TMEM132D: variants seen among roughly 807,000 people sequenced by gnomAD.
TMEM132D encodes the protein transmembrane protein 132D, also known as mature OL transmembrane protein.
TMEM132D carries 21 observed loss-of-function variants against 62.3 expected under a neutral mutation model. That is an observed-to-expected ratio of 0.34 (90% CI 0.24 to 0.49). TMEM132D has a LOEUF of 0.49. Ranked by LOEUF, TMEM132D falls within the 20% of genes least tolerant of loss-of-function variation. The pLI, the probability that TMEM132D is intolerant of heterozygous loss-of-function variation, is 0.99. For synonymous variants in TMEM132D, 621 were observed against 575.6 expected, an observed-to-expected ratio of 1.08 and a Z score of -1.13; for missense variants, 1,346 against 1,402.8, an observed-to-expected ratio of 0.96 and a Z score of 0.65.
At chr12:129,762,661 TCTC>T (rs1870422595) in intron 1 of TMEM132D, among the ~76,000 whole-genome samples, 2 of 152,072 alleles carry the variant, frequency 1.3e-5, no homozygotes, top group South Asian at 4.2e-4. Context: ...ACGCATAACT[TCTC>T]CTGACATGGA....
intron 5 of TMEM132D, among the ~76,000 whole-genome samples, chr12:129,148,822 C>T (rs1022192939): frequency 7.0e-6 from 1 of 143,792 alleles, no homozygotes; most frequent in African/African-American, 2.5e-5. Context: ...ACACCCCTCA[C>T]CCCGCCCCCA....
chr12:129,370,294 T>C (rs1870552509), intron 3 of TMEM132D, among the ~76,000 whole-genome samples: 1 of 152,304 alleles, frequency 6.6e-6, no homozygotes, highest in Middle Eastern at 3.4e-3. Flanking sequence ...CCTGGAGCCA[T>C]GACAGTTAAT....
At chr12:129,217,582 A>G (rs915844767) in intron 4 of TMEM132D, among the ~76,000 whole-genome samples, 5 of 152,196 alleles carry the variant, frequency 3.3e-5, no homozygotes, top group Non-Finnish European at 5.9e-5. Context: ...AGAACAGCTC[A>G]CAGCCCAACA....
chr12:129,118,355 G>A (rs1374994327), intron 5 of TMEM132D, among the ~76,000 whole-genome samples: 1 of 152,236 alleles, frequency 6.6e-6, no homozygotes, highest in Admixed American at 6.5e-5. Flanking sequence ...AGCTGCCACA[G>A]GGCAGCCTCT....
intron 3 of TMEM132D, among the ~76,000 whole-genome samples, chr12:129,513,987 G>A (rs11612552): frequency 0.21 from 32,082 of 149,634 alleles, 3,643 homozygotes; most frequent in East Asian, 0.31. Context: ...ACAGGCGCCC[G>A]CCACCACGCC....
At chr12:129,719,700 T>C (rs1055828659) in intron 1 of TMEM132D, among the ~76,000 whole-genome samples, 2 of 152,234 alleles carry the variant, frequency 1.3e-5, no homozygotes, top group Non-Finnish European at 2.9e-5. Context: ...GACCAGAAAG[T>C]GCCTATTTCA....
At position 129,679,307 on chromosome 12, in the gene TMEM132D, T is replaced by C. The variant is rs560150589; in HGVS notation, c.968+20503A>G. ...TAGCAAATTATTTATTTTTAAAATGTTATAATCAAGATATGTTTTGTATTA... is the reference window on the plus strand; with the variant it reads ...TAGCAAATTATTTATTTTTAAAATGCTATAATCAAGATATGTTTTGTATTA... On this transcript the variant is annotated intron_variant, in intron 2 of 8. Transcript: ENST00000422113. 2.2e-4 allele frequency among the ~76,000 whole-genome samples: 34 copies of C among 152,202 alleles called. No individual in the cohort carries two copies. In the South Asian group the frequency reaches 6.4e-3, roughly 29 times the overall value.
At chr12:129,427,268 A>G (rs991908787) in intron 3 of TMEM132D, among the ~76,000 whole-genome samples, 13 of 152,202 alleles carry the variant, frequency 8.5e-5, no homozygotes, top group African/African-American at 3.1e-4. Flanking sequence ...ACGCAGCATC[A>G]TTCCTTCTCT....
intron 3 of TMEM132D, among the ~76,000 whole-genome samples, chr12:129,387,106 A>G (rs1440235468): frequency 6.6e-6 from 1 of 151,834 alleles, no homozygotes; most frequent in Non-Finnish European, 1.5e-5. Context: ...CCAATGTAAT[A>G]CTAACACTAA....
chr12:129,241,819 T>C (rs1341016396), intron 4 of TMEM132D, among the ~76,000 whole-genome samples: 1 of 152,234 alleles, frequency 6.6e-6, no homozygotes, highest in Non-Finnish European at 1.5e-5. Context: ...TAGTCTTCAG[T>C]TCCTAATAGA....
At chr12:129,370,029 C>A (rs746335175) in intron 3 of TMEM132D, among the ~76,000 whole-genome samples, 1 of 152,206 alleles carries the variant, frequency 6.6e-6, no homozygotes, top group South Asian at 2.1e-4. Flanking sequence ...TGGGGCTCCC[C>A]TACCCAGATC....
Position 129,192,742 on chromosome 12 carries a change from G to A in TMEM132D, c.1443+16778C>T, listed in dbSNP as rs551399550. ...ACAAATGGGGGGTTTGAATTACAGCGGGTGTGTTGCACACTCAGATACATT... is the reference window on the plus strand; with the variant it reads ...ACAAATGGGGGGTTTGAATTACAGCAGGTGTGTTGCACACTCAGATACATT... On this transcript the variant is annotated intron_variant, in intron 5 of 8. Transcript: ENST00000422113. Among the ~76,000 whole-genome samples the A allele has an allele frequency of 3.5e-4, 54 of 152,212 alleles. 1 individual carries two copies. The highest frequency in any genetic ancestry group is 1.0e-3 in the African/African-American group (43 of 41,518).
chr12:129,824,942 T>G (rs1593176549), intron 1 of TMEM132D, among the ~76,000 whole-genome samples: 2 of 152,220 alleles, frequency 1.3e-5, no homozygotes, highest in South Asian at 4.2e-4. Context: ...GATAACTGGT[T>G]GTTTGCTATT....
At position 129,073,943 on chromosome 12, in the gene TMEM132D, G is replaced by A. The variant is rs2135601379; in HGVS notation, c.3232C>T (p.Gln1078Ter). ...TTGCAGTCCCCAGGGTCCAGATCCT[G>A]GCAGACCCACTTAATGTCATCCTCG... ...SSEDDIKWVC[Q>*]DLDPGDCKEL... The change falls in exon 9 of 9, where the codon CAG becomes TAG. Residue 1078 changes from glutamine to a stop codon, truncating the protein, a stop_gained. Transcript: ENST00000422113. LOFTEE classifies it low-confidence loss of function (END_TRUNC). 5 of 1,607,272 alleles carry A rather than the reference G, an allele frequency of 3.1e-6. No homozygotes were observed. The highest frequency in any genetic ancestry group is 2.2e-5 in the South Asian group (2 of 89,882).
chr12:129,607,877 C>T lies in TMEM132D; in HGVS notation c.969-76672G>A, dbSNP rs555770038. 5.9e-5 allele frequency among the ~76,000 whole-genome samples: 9 copies of T among 152,318 alleles called. No individual in the cohort carries two copies. The East Asian group carries it at 1.7e-3, about 29-fold the overall frequency. On this transcript the variant is annotated intron_variant, in intron 2 of 8. Transcript: ENST00000422113. ...CATAAATCCAGCTTTTAATTCCACC[C>T]ATCAACTTATAGCATACTTTTCAAG...
intron 3 of TMEM132D, among the ~76,000 whole-genome samples, chr12:129,473,007 G>A (rs1230790949): frequency 6.6e-6 from 1 of 152,098 alleles, no homozygotes; most frequent in Non-Finnish European, 1.5e-5. Context: ...TGGGATTACA[G>A]GCATGTGCCA....
chr12:129,510,753 G>T (rs915644152), intron 3 of TMEM132D, among the ~76,000 whole-genome samples: 1 of 152,030 alleles, frequency 6.6e-6, no homozygotes, highest in South Asian at 2.1e-4. Flanking sequence ...GTATTCCAGC[G>T]TCTAATAATT....
chr12:129,865,603 AC>A (rs1874034889), intron 1 of TMEM132D, among the ~76,000 whole-genome samples: 2 of 152,224 alleles, frequency 1.3e-5, no homozygotes, highest in South Asian at 4.1e-4. Flanking sequence ...CAATGGTCTG[AC>A]TTCTGTATTT....
At chr12:129,711,919 G>T (rs1026860647) in intron 1 of TMEM132D, among the ~76,000 whole-genome samples, 2 of 151,266 alleles carry the variant, frequency 1.3e-5, no homozygotes, top group Non-Finnish European at 2.9e-5. Context: ...AAAGTCCCAG[G>T]GTTGTGCTAA....
Sources: allele counts gnomAD v4.1 joint callset (sites outside exome capture counted in the v4.1 genomes callset), GRCh38; gene constraint gnomAD v4.1.1; transcripts MANE v1.5; gene names NCBI Gene and HGNC (gene_info 2026-07-23, HGNC 2026-07-21).